ESF1: variants seen among roughly 807,000 people sequenced by gnomAD.
The protein encoded by ESF1 is ESF1 nucleolar pre-rRNA processing protein.
In ESF1, 58 loss-of-function variants were observed where a neutral mutation model predicts 92.0. The observed-to-expected ratio is 0.63, with a 90% confidence interval of 0.51 to 0.78. The LOEUF is 0.78. Ranked by LOEUF, ESF1 falls within the 30% of genes least tolerant of loss-of-function variation. The probability of loss-of-function intolerance (pLI) is 0.00; values close to 1 mark genes in which losing one functional copy is unlikely to be tolerated. For missense variants in ESF1, 922 were observed against 989.1 expected, an observed-to-expected ratio of 0.93 and a Z score of 0.91; for synonymous variants, 321 against 313.7, an observed-to-expected ratio of 1.02 and a Z score of -0.24.
chr20:13,755,256 C>T (rs1978839505), intron 9 of ESF1, among the ~76,000 whole-genome samples: 1 of 151,492 alleles, frequency 6.6e-6, no homozygotes, highest in African/African-American at 2.4e-5. Context: ...ATCTATTAGG[C>T]CAGAGATAGC....
Position 13,731,688 on chromosome 20 carries a change from A to T in ESF1, c.1950+2033T>A, listed in dbSNP as rs1446883288. ...TATTTTCATACATGGTTTCTGGCTC[A>T]TAAGTTCCTTAGCCCTTGCTATAGT... On this transcript the variant is annotated intron_variant, in intron 10 of 13. Transcript: ENST00000617257. Among the ~76,000 whole-genome samples the T allele has an allele frequency of 1.3e-5, 2 of 152,350 alleles. 1 individual carries two copies. The highest frequency in any genetic ancestry group is 4.8e-5 in the African/African-American group (2 of 41,586).
At chr20:13,763,403 T>TTTTAG (rs1243477160) in intron 8 of ESF1, among the ~76,000 whole-genome samples, 1 of 7,366 alleles carries the variant, frequency 1.4e-4, no homozygotes, top group Non-Finnish European at 7.6e-3. Context: ...GCTACCCTAA[T>TTTTAG]GCCAAAAAAT....
chr20:13,753,393 C>T (rs1978728593), intron 9 of ESF1, among the ~76,000 whole-genome samples: 1 of 150,176 alleles, frequency 6.7e-6, no homozygotes, highest in African/African-American at 2.5e-5. Context: ...CACTGGCTGG[C>T]CCTCCTCCCC....
intron 9 of ESF1, among the ~76,000 whole-genome samples, chr20:13,734,895 G>C (rs2147734807): frequency 6.6e-6 from 1 of 152,152 alleles, no homozygotes; most frequent in South Asian, 2.1e-4. Context: ...AGAACATTTA[G>C]CAATTTGTCT....
At chr20:13,745,673 A>G (rs2050043601) in intron 9 of ESF1, among the ~76,000 whole-genome samples, 1 of 152,078 alleles carries the variant, frequency 6.6e-6, no homozygotes. Flanking sequence ...GATGGTCTCA[A>G]ACTCCTGACC....
chr20:13,763,939 T>C (rs926069630), intron 8 of ESF1, among the ~76,000 whole-genome samples: 7 of 152,190 alleles, frequency 4.6e-5, no homozygotes, highest in Admixed American at 4.6e-4. Context: ...TAGTATTTTA[T>C]GAAAAGCTTA....
intron 10 of ESF1, among the ~76,000 whole-genome samples, chr20:13,729,256 CAA>C (rs1304631287): frequency 6.6e-6 from 1 of 152,134 alleles, no homozygotes; most frequent in African/African-American, 2.4e-5. Context: ...GACTCCGTCT[CAA>C]AACAAACAAA....
At chr20:13,782,450 A>T in intron 2 of ESF1, 54 bp downstream of exon 2, 1 of 1,370,002 alleles carries the variant, frequency 7.3e-7, no homozygotes, top group African/African-American at 1.5e-5. Flanking sequence ...TTGAAAGATC[A>T]GTATAAAAAT....
At chr20:13,763,486 G>C (rs1028852662) in intron 8 of ESF1, among the ~76,000 whole-genome samples, 2 of 152,204 alleles carry the variant, frequency 1.3e-5, no homozygotes, top group African/African-American at 4.8e-5. Context: ...ATCTTCACAA[G>C]TGTACATAAA....
At chr20:13,760,970 C>A (rs1490905204) in intron 8 of ESF1, among the ~76,000 whole-genome samples, 1 of 152,292 alleles carries the variant, frequency 6.6e-6, no homozygotes, top group South Asian at 2.1e-4. Context: ...ACTGAGAAAT[C>A]GGATGGTTGC....
chr20:13,757,290 G>A (rs915068122), intron 9 of ESF1, among the ~76,000 whole-genome samples: 2 of 152,184 alleles, frequency 1.3e-5, no homozygotes, highest in Admixed American at 6.5e-5. Flanking sequence ...AAGGTACCAT[G>A]ACCAAGGTGG....
At chr20:13,745,293 C>T (rs2050040875) in intron 9 of ESF1, among the ~76,000 whole-genome samples, 1 of 151,978 alleles carries the variant, frequency 6.6e-6, no homozygotes. Context: ...AGAATATTCA[C>T]AAAGGCACTG....
At chr20:13,753,057 A>G (rs988577125) in intron 9 of ESF1, among the ~76,000 whole-genome samples, 15 of 152,136 alleles carry the variant, frequency 9.9e-5, no homozygotes, top group African/African-American at 3.6e-4. Context: ...AATGACATTC[A>G]CATCCCTACC....
intron 11 of ESF1, among the ~76,000 whole-genome samples, chr20:13,722,867 A>G (rs2049877284): frequency 6.6e-6 from 1 of 152,102 alleles, no homozygotes; most frequent in Non-Finnish European, 1.5e-5. Flanking sequence ...AAAAGAAGAA[A>G]AAAAAAAGAA....
At position 13,782,783 on chromosome 20, in the gene ESF1, C is replaced by T. The variant is rs147464259; in HGVS notation, c.358G>A (p.Ala120Thr). Residue 120 changes from alanine to threonine, a missense_variant, in exon 2 of 14, where the codon GCT becomes ACT. Physicochemically the swap from Ala to Thr is moderately conservative, Grantham distance 58. Transcript: ENST00000617257. ...TTATTTTCAGAACCCTTGTGATTAG[C>T]CTTCTTGGTTTCTTTCTTTTTCTCA... Reference protein sequence around the residue: ...LVEKKKETKKANHKGSENKTD... With the variant: ...LVEKKKETKKTNHKGSENKTD... 3.9e-5 allele frequency: 62 copies of T among 1,604,256 alleles called. No individual in the cohort carries two copies. In the Middle Eastern group the frequency reaches 8.3e-4, roughly 22 times the overall value.
chr20:13,717,273 C>T (rs987957959), intron 13 of ESF1, 95 bp downstream of exon 13: 8 of 1,473,764 alleles, frequency 5.4e-6, no homozygotes, highest in Non-Finnish European at 7.4e-6. Context: ...AAGACATTTT[C>T]AAGGGTAACT....
intron 10 of ESF1, among the ~76,000 whole-genome samples, chr20:13,729,257 AAAAC>A (rs946038088): frequency 3.3e-5 from 5 of 152,246 alleles, no homozygotes; most frequent in African/African-American, 1.2e-4. Flanking sequence ...ACTCCGTCTC[AAAAC>A]AAACAAACAA....
intron 10 of ESF1, among the ~76,000 whole-genome samples, chr20:13,729,780 T>C (rs1437586726): frequency 6.6e-6 from 1 of 152,244 alleles, no homozygotes; most frequent in African/African-American, 2.4e-5. Flanking sequence ...ACTGTCAGGC[T>C]ATTTTTAAGT....
chr20:13,764,930 A>AC (rs1555825443), intron 8 of ESF1, among the ~76,000 whole-genome samples: 1,928 of 150,768 alleles, frequency 0.013, 47 homozygotes, highest in African/African-American at 0.043. Context: ...AAAAAAAAAA[A>AC]CAAAAACAAA....
Sources: allele counts gnomAD v4.1 joint callset (sites outside exome capture counted in the v4.1 genomes callset), GRCh38; gene constraint gnomAD v4.1.1; transcripts MANE v1.5; gene names NCBI Gene and HGNC (gene_info 2026-07-23, HGNC 2026-07-21).